Variants in SIPA1L2 observed in about 807,000 individuals in gnomAD.
SIPA1L2 encodes the protein signal-induced proliferation-associated 1-like protein 2.
A neutral mutation model predicts 163.9 loss-of-function variants in SIPA1L2; 56 were observed. That is an observed-to-expected ratio of 0.34 (90% CI 0.28 to 0.43). The LOEUF (loss-of-function observed/expected upper bound fraction) is 0.43, where lower values mean the gene tolerates loss of function less well. Ranked by LOEUF, SIPA1L2 falls within the 20% of genes least tolerant of loss-of-function variation. SIPA1L2 has a pLI of 1.00. For missense variants in SIPA1L2, 1,974 were observed against 2,193.5 expected, an observed-to-expected ratio of 0.90 and a Z score of 2.00; for synonymous variants, 877 against 865.7, an observed-to-expected ratio of 1.01 and a Z score of -0.23.
At chr1:232,608,480 T>C (rs940001249) in intron 1 of SIPA1L2, among the ~76,000 whole-genome samples, 4 of 152,168 alleles carry the variant, frequency 2.6e-5, no homozygotes, top group East Asian at 1.9e-4. Flanking sequence ...TCTCAAATAA[T>C]AGAAAACAAA....
intron 22 of SIPA1L2, 141 bp from the exon 23 acceptor site, chr1:232,399,414 G>C: frequency 2.4e-6 from 2 of 826,542 alleles, no homozygotes; most frequent in Non-Finnish European, 3.7e-6. Context: ...TTTAGTGAGG[G>C]GACTTTTCTG....
chr1:232,608,064 A>AAAAAAAAAAAAAAAC (rs1558301983), intron 1 of SIPA1L2, among the ~76,000 whole-genome samples: 2 of 150,956 alleles, frequency 1.3e-5, no homozygotes, highest in Admixed American at 6.6e-5. Context: ...AAAAAAAAAA[A>AAAAAAAAAAAAAAAC]AAAAACGAGT....
At chr1:232,554,340 A>G (rs2243857) in intron 2 of SIPA1L2, among the ~76,000 whole-genome samples, 99,204 of 152,092 alleles carry the variant, frequency 0.65, 33,925 homozygotes, top group East Asian at 0.89. Flanking sequence ...CAATACAAAG[A>G]AGAAGGGCTC....
At chr1:232,483,991 A>G in intron 5 of SIPA1L2, 25 bp from the exon 6 acceptor site, 6 of 1,595,196 alleles carry the variant, frequency 3.8e-6, no homozygotes, top group Non-Finnish European at 5.1e-6. Flanking sequence ...AAATATAATT[A>G]CTTGGCAAAG....
rs372676461 is a variant in SIPA1L2 at position 232,464,979 on chromosome 1, T to G, written c.2681A>C (p.Asn894Thr). The G allele has an allele frequency of 1.9e-6, 3 of 1,614,246 alleles. No homozygotes were observed. The highest frequency in any genetic ancestry group is 2.2e-5 in the South Asian group (2 of 91,080). ...IEKDSKNVVF[N>T]CSCRDVIGWT... ...CCCAATCACATCCCTGCAGGAACAGTTGAATACAACATTCTTGGAATCCTT... is the reference window on the plus strand; with the variant it reads ...CCCAATCACATCCCTGCAGGAACAGGTGAATACAACATTCTTGGAATCCTT... The change falls in exon 9 of 23, where the codon AAC (asparagine) becomes ACC (threonine). Residue 894 changes from asparagine to threonine, a missense_variant. Asn to Thr is a moderately conservative substitution (Grantham distance 65). Transcript: ENST00000674635.
rs145444749 is a variant in SIPA1L2 at position 232,418,087 on chromosome 1, C to G, written c.4631-2462G>C. On this transcript the variant is annotated intron_variant, in intron 18 of 22. Transcript: ENST00000674635. ...TCCTTGTGTTTATAAAGAAACAATC[C>G]TTCATTCCAGCTTCTGGCATTCTTG... is the stretch of plus-strand genomic sequence containing the variant. 5.3e-3 allele frequency among the ~76,000 whole-genome samples: 800 copies of G among 152,320 alleles called. 35 individuals are homozygous for G. Among genetic ancestry groups the G allele is most frequent in the Admixed American group, 0.037 (565 of 15,308 alleles).
At chr1:232,461,550 C>T (rs1029135512) in intron 9 of SIPA1L2, among the ~76,000 whole-genome samples, 1 of 152,198 alleles carries the variant, frequency 6.6e-6, no homozygotes. Flanking sequence ...GACTTTTAAG[C>T]ATATAAATCC....
intron 7 of SIPA1L2, among the ~76,000 whole-genome samples, chr1:232,476,341 G>A (rs902368599): frequency 6.6e-6 from 1 of 152,146 alleles, no homozygotes; most frequent in Non-Finnish European, 1.5e-5. Context: ...CGAGGCGTCA[G>A]GTACCCCTTC....
intron 1 of SIPA1L2, among the ~76,000 whole-genome samples, chr1:232,578,029 C>T (rs778967919): frequency 5.9e-5 from 9 of 152,092 alleles, no homozygotes; most frequent in Non-Finnish European, 1.2e-4. Context: ...TAAGAAATTG[C>T]CATACCCAGC....
intron 1 of SIPA1L2, among the ~76,000 whole-genome samples, chr1:232,597,355 C>A (rs560139489): frequency 6.6e-6 from 1 of 152,108 alleles, no homozygotes; most frequent in African/African-American, 2.4e-5. Flanking sequence ...TATGGTGGGA[C>A]TCAGGGGCCT....
At chr1:232,595,332 T>TA (rs35189651) in intron 1 of SIPA1L2, among the ~76,000 whole-genome samples, 4,244 of 152,160 alleles carry the variant, frequency 0.028, 190 homozygotes, top group African/African-American at 0.096. Context: ...ATAAACTGGT[T>TA]GAAATAAAAT....
At chr1:232,436,678 G>T (rs1158106120) in intron 15 of SIPA1L2, among the ~76,000 whole-genome samples, 2 of 152,200 alleles carry the variant, frequency 1.3e-5, no homozygotes, top group African/African-American at 2.4e-5. Context: ...TCTTTGTGTG[G>T]CTTGATAGGT....
At chr1:232,484,736 AT>A (rs1665559572) in intron 5 of SIPA1L2, among the ~76,000 whole-genome samples, 1 of 152,178 alleles carries the variant, frequency 6.6e-6, no homozygotes, top group African/African-American at 2.4e-5. Context: ...AACTGGAGGC[AT>A]TTTCACACCT....
intron 3 of SIPA1L2, among the ~76,000 whole-genome samples, chr1:232,498,435 C>T (rs1234458691): frequency 1.3e-5 from 2 of 152,158 alleles, no homozygotes; most frequent in African/African-American, 4.8e-5. Flanking sequence ...CATGTCCTAC[C>T]GCTGTAACAA....
intron 2 of SIPA1L2, among the ~76,000 whole-genome samples, chr1:232,532,743 G>A (rs974943870): frequency 6.6e-6 from 1 of 152,170 alleles, no homozygotes; most frequent in Non-Finnish European, 1.5e-5. Flanking sequence ...AGGCTTAGCT[G>A]CTATATGACC....
At chr1:232,492,525 T>A (rs1665984118) in intron 4 of SIPA1L2, among the ~76,000 whole-genome samples, 1 of 152,154 alleles carries the variant, frequency 6.6e-6, no homozygotes, top group African/African-American at 2.4e-5. Flanking sequence ...ACTTAATTCT[T>A]TATATAAATC....
At position 232,432,040 on chromosome 1, in the gene SIPA1L2, C is replaced by A. The variant is rs3765574; in HGVS notation, c.4256+207G>T. Among the ~76,000 whole-genome samples, 5,342 of 152,230 alleles carry A rather than the reference C, an allele frequency of 0.035. 575 individuals are homozygous for A. The East Asian group carries it at 0.4, about 11-fold the overall frequency. ...CAGATTTGAATATAAAAGCAAAGAA[C>A]ACAGATTTCTTTTCCTTTTTTTATG... On this transcript the variant is annotated intron_variant, in intron 16 of 22. Transcript: ENST00000674635.
intron 6 of SIPA1L2, among the ~76,000 whole-genome samples, chr1:232,482,767 G>A (rs1665428770): frequency 6.6e-6 from 1 of 152,166 alleles, no homozygotes; most frequent in East Asian, 1.9e-4. Flanking sequence ...AGGGCTTGGT[G>A]ACCAAGGAGA....
At chr1:232,405,477 G>A (rs969307429) in intron 19 of SIPA1L2, among the ~76,000 whole-genome samples, 10 of 152,206 alleles carry the variant, frequency 6.6e-5, no homozygotes, top group African/African-American at 2.4e-4. Flanking sequence ...TTGGGGCCCT[G>A]CCAACTTCTA....
Sources: gnomAD v4.1 joint callset for allele counts (sites outside exome capture counted in the v4.1 genomes callset) on GRCh38, gnomAD v4.1.1 for gene constraint, MANE v1.5 for transcripts, NCBI Gene and HGNC (gene_info 2026-07-23, HGNC 2026-07-21) for gene names.